MAP4K3: variants seen among roughly 807,000 people sequenced by gnomAD.
The protein encoded by MAP4K3 is mitogen-activated protein kinase kinase kinase kinase 3.
A neutral mutation model predicts 143.5 loss-of-function variants in MAP4K3; 94 were observed. The observed-to-expected ratio is 0.65, with a 90% CI of 0.55 to 0.78. The LOEUF is 0.78. Among genes scored for constraint, MAP4K3 ranks in the 30% least tolerant of loss-of-function variants. The pLI is 0.00. For missense variants in MAP4K3, 1,077 were observed against 1,068.1 expected (o/e 1.01, Z -0.12); for synonymous variants, 416 against 347.2 (o/e 1.20, Z -2.20).
At chr2:39,406,566 G>A (rs577309853) in intron 1 of MAP4K3, among the ~76,000 whole-genome samples, 1 of 152,170 alleles carries the variant, frequency 6.6e-6, no homozygotes, top group South Asian at 2.1e-4. Context: ...CCAGGATAGA[G>A]GGGAAAGGCA....
intron 31 of MAP4K3, among the ~76,000 whole-genome samples, chr2:39,257,291 T>C (rs1035094956): frequency 6.6e-6 from 1 of 152,196 alleles, no homozygotes; most frequent in South Asian, 2.1e-4. Context: ...TTTAAAAGTA[T>C]TGATTGTCAG....
At chr2:39,368,827 T>TA in intron 2 of MAP4K3, among the ~76,000 whole-genome samples, 1 of 152,342 alleles carries the variant, frequency 6.6e-6, no homozygotes, top group East Asian at 1.9e-4. Context: ...TGAGGTTACA[T>TA]AGGCATAAAC....
intron 6 of MAP4K3, among the ~76,000 whole-genome samples, chr2:39,336,271 G>A (rs112072238): frequency 3.4e-4 from 51 of 151,948 alleles, no homozygotes; most frequent in African/African-American, 1.2e-3. Flanking sequence ...TCAGGAGATC[G>A]AGACCAGCCT....
At chr2:39,323,218 G>C (rs1194675812) in intron 12 of MAP4K3, 3 of 152,110 alleles carry the variant, frequency 2.0e-5, no homozygotes, top group East Asian at 1.9e-4. Flanking sequence ...ACTTACCATA[G>C]AGATTTGTAA....
intron 3 of MAP4K3, among the ~76,000 whole-genome samples, chr2:39,347,869 T>C (rs1171135256): frequency 6.6e-6 from 1 of 152,082 alleles, no homozygotes; most frequent in East Asian, 1.9e-4. Context: ...ATCCTAGAGC[T>C]TTGCTAGTGA....
chr2:39,371,795 T>C (rs1666086912), intron 2 of MAP4K3, among the ~76,000 whole-genome samples: 2 of 151,856 alleles, frequency 1.3e-5, no homozygotes, highest in South Asian at 4.1e-4. Flanking sequence ...GGTCACTACA[T>C]ATATATCCTC....
At chr2:39,304,655 G>C (rs1682633001) in intron 15 of MAP4K3, among the ~76,000 whole-genome samples, 1 of 152,182 alleles carries the variant, frequency 6.6e-6, no homozygotes, top group South Asian at 2.1e-4. Context: ...GTGGAAAATA[G>C]TATGGCAGTT....
chr2:39,354,731 G>C (rs1424706224), intron 3 of MAP4K3, among the ~76,000 whole-genome samples: 1 of 151,958 alleles, frequency 6.6e-6, no homozygotes, highest in South Asian at 2.1e-4. Context: ...GGCAATCAAA[G>C]CTGTACAAGA....
intron 6 of MAP4K3, among the ~76,000 whole-genome samples, chr2:39,336,218 T>C (rs1370851703): frequency 6.6e-6 from 1 of 151,990 alleles, no homozygotes; most frequent in Non-Finnish European, 1.5e-5. Flanking sequence ...ACGTCTGTAA[T>C]CCTGGCACTT....
At chr2:39,287,004 T>G (rs1681809703) in intron 20 of MAP4K3, 40 bp from the exon 21 acceptor site, 1 of 1,281,542 alleles carries the variant, frequency 7.8e-7, no homozygotes, top group South Asian at 1.4e-5. Flanking sequence ...TTAATCTTCA[T>G]GAAAACTTTT....
In MAP4K3 at chr2:39,277,545, C is replaced by G. The variant is rs184986407; in HGVS notation, c.1794+862G>C. ...AGTCCTGTTAACCTGTCTTCAGTAT[C>G]TGGTAATTAGAACATGCTCCAGAAG... On this transcript the variant is annotated intron_variant, in intron 24 of 33. Coordinates refer to ENST00000263881, the MANE Select transcript of MAP4K3 (RefSeq NM_003618.4). Among the ~76,000 whole-genome samples, 682 of 152,166 alleles carry G rather than the reference C, an allele frequency of 4.5e-3. 3 individuals are homozygous for G. Among genetic ancestry groups the G allele is most frequent in the Admixed American group, 0.01 (153 of 15,274 alleles).
chr2:39,430,516 T>A (rs1189620807), intron 1 of MAP4K3, among the ~76,000 whole-genome samples: 1 of 151,974 alleles, frequency 6.6e-6, no homozygotes, highest in East Asian at 1.9e-4. Context: ...AAAGGTGGTA[T>A]GAAAAAATAA....
chr2:39,387,112 C>T (rs534600886), intron 1 of MAP4K3, among the ~76,000 whole-genome samples: 9 of 152,240 alleles, frequency 5.9e-5, no homozygotes, highest in African/African-American at 2.2e-4. Flanking sequence ...CCACCACGCC[C>T]GGCCGATTAT....
intron 12 of MAP4K3, chr2:39,323,758 C>T (rs1316730697): frequency 1.3e-5 from 2 of 151,844 alleles, no homozygotes; most frequent in African/African-American, 4.8e-5. Context: ...AAGCAGACTA[C>T]TAGATAAGTA....
intron 26 of MAP4K3, among the ~76,000 whole-genome samples, chr2:39,269,757 C>A (rs1467380490): frequency 2.0e-5 from 3 of 152,114 alleles, no homozygotes; most frequent in Admixed American, 6.6e-5. Context: ...AGAATTTATT[C>A]AGATGTTGAA....
chr2:39,320,909 C>T (rs1683280188), intron 12 of MAP4K3, among the ~76,000 whole-genome samples: 1 of 152,030 alleles, frequency 6.6e-6, no homozygotes, highest in South Asian at 2.1e-4. Flanking sequence ...GTCTTAGATT[C>T]AATAAGGCAA....
intron 3 of MAP4K3, among the ~76,000 whole-genome samples, chr2:39,346,343 T>C (rs1665292071): frequency 6.6e-6 from 1 of 152,218 alleles, no homozygotes; most frequent in Non-Finnish European, 1.5e-5. Context: ...AGACCAGTTC[T>C]CTCTCCAGCT....
At chr2:39,322,961 A>C (rs1334383132) in intron 12 of MAP4K3, among the ~76,000 whole-genome samples, 2 of 151,972 alleles carry the variant, frequency 1.3e-5, no homozygotes, top group Non-Finnish European at 2.9e-5. Context: ...TAAGCCACTG[A>C]GCCCACCCTT....
At chr2:39,282,750 T>C (rs1433938319) in intron 21 of MAP4K3, among the ~76,000 whole-genome samples, 196 bp from the exon 22 acceptor site, 2 of 152,216 alleles carry the variant, frequency 1.3e-5, no homozygotes, top group Non-Finnish European at 2.9e-5. Context: ...AAAAACTAGT[T>C]TGGTGTAAAA....
Sources: allele counts gnomAD v4.1 joint callset (sites outside exome capture counted in the v4.1 genomes callset), GRCh38; gene constraint gnomAD v4.1.1; transcripts MANE v1.5; gene names NCBI Gene and HGNC (gene_info 2026-07-23, HGNC 2026-07-21).